Variants in CACHD1 observed in about 807,000 individuals in gnomAD.
CACHD1 encodes the protein VWFA and cache domain-containing protein 1.
CACHD1 carries 71 observed loss-of-function variants against 138.7 expected under a neutral mutation model. That is an observed-to-expected ratio of 0.51 (90% CI 0.42 to 0.62). The LOEUF is 0.62. CACHD1 is among the 20% of genes least tolerant of loss of function. The pLI, the probability that CACHD1 is intolerant of heterozygous loss-of-function variation, is 0.00. For missense variants in CACHD1, 1,389 were observed against 1,625.3 expected, an observed-to-expected ratio of 0.85 and a Z score of 2.50; for synonymous variants, 578 against 591.5, an observed-to-expected ratio of 0.98 and a Z score of 0.33.
At chr1:64,666,967 C>T (rs535710706) in intron 16 of CACHD1, among the ~76,000 whole-genome samples, 8 of 148,846 alleles carry the variant, frequency 5.4e-5, no homozygotes, top group African/African-American at 2.0e-4. Context: ...TGGTTTTCTT[C>T]TTTAAAAAAA....
chr1:64,645,367 T>C (rs1375972585), intron 8 of CACHD1, among the ~76,000 whole-genome samples: 1 of 152,150 alleles, frequency 6.6e-6, no homozygotes, highest in Non-Finnish European at 1.5e-5. Context: ...TCATAAATGA[T>C]TGGGGTGATT....
intron 3 of CACHD1, among the ~76,000 whole-genome samples, chr1:64,594,824 C>A (rs1557510723): frequency 6.6e-6 from 1 of 152,180 alleles, no homozygotes; most frequent in African/African-American, 2.4e-5. Flanking sequence ...GAAAAGCAAC[C>A]TTTTTGTGCA....
At chr1:64,673,709 TTAA>T (rs2100723165) in intron 19 of CACHD1, among the ~76,000 whole-genome samples, 1 of 152,332 alleles carries the variant, frequency 6.6e-6, no homozygotes, top group African/African-American at 2.4e-5. Context: ...TTTTATTTGT[TTAA>T]AGACTTTCCC....
intron 1 of CACHD1, among the ~76,000 whole-genome samples, chr1:64,522,376 C>T (rs1427115205): frequency 2.0e-5 from 3 of 151,842 alleles, no homozygotes; most frequent in East Asian, 3.9e-4. Flanking sequence ...GGCATGATCT[C>T]GGCTCACTGC....
At chr1:64,576,062 C>G (rs149133143) in intron 2 of CACHD1, among the ~76,000 whole-genome samples, 2 of 152,104 alleles carry the variant, frequency 1.3e-5, no homozygotes, top group African/African-American at 4.8e-5. Flanking sequence ...TCATTTGACC[C>G]GTGGCTGGAT....
intron 1 of CACHD1, among the ~76,000 whole-genome samples, 156 bp downstream of exon 1, chr1:64,471,098 C>A (rs1646141427): frequency 6.6e-6 from 1 of 152,190 alleles, no homozygotes; most frequent in African/African-American, 2.4e-5. Flanking sequence ...TGCACAGACC[C>A]CCTGACAATA....
intron 1 of CACHD1, among the ~76,000 whole-genome samples, chr1:64,474,086 T>TA (rs1277366661): frequency 1.3e-5 from 2 of 152,200 alleles, no homozygotes; most frequent in Admixed American, 1.3e-4. Context: ...AAATATATTT[T>TA]AAAAAATCTT....
chr1:64,562,449 C>T (rs1646848343), intron 2 of CACHD1, among the ~76,000 whole-genome samples: 1 of 146,014 alleles, frequency 6.8e-6, no homozygotes, highest in African/African-American at 2.5e-5. Context: ...CTTGCTCTGC[C>T]ACCAGGCTGG....
At chr1:64,474,889 C>T (rs1298156581) in intron 1 of CACHD1, among the ~76,000 whole-genome samples, 2 of 152,208 alleles carry the variant, frequency 1.3e-5, no homozygotes, top group East Asian at 1.9e-4. Flanking sequence ...GCAGACAGAC[C>T]AGCAGGTTGG....
chr1:64,471,581 G>C (rs1165828548), intron 1 of CACHD1, among the ~76,000 whole-genome samples: 4 of 152,208 alleles, frequency 2.6e-5, no homozygotes, highest in South Asian at 2.1e-4. Flanking sequence ...GGGCTGGCCT[G>C]GTAGATTCTG....
chr1:64,491,921 G>GT (rs922049644), intron 1 of CACHD1, among the ~76,000 whole-genome samples: 66 of 150,426 alleles, frequency 4.4e-4, no homozygotes, highest in Middle Eastern at 6.8e-3. Context: ...GCACCCAGCG[G>GT]TTTTTTTTGT....
At chr1:64,478,847 C>T (rs937485071) in intron 1 of CACHD1, among the ~76,000 whole-genome samples, 7 of 152,074 alleles carry the variant, frequency 4.6e-5, no homozygotes, top group Non-Finnish European at 8.8e-5. Context: ...GGGGCAGGAC[C>T]ACTCAGTTAC....
intron 23 of CACHD1, 31 bp downstream of exon 23, chr1:64,678,341 T>G: frequency 2.0e-6 from 3 of 1,524,474 alleles, no homozygotes; most frequent in Non-Finnish European, 2.6e-6. Context: ...AACAATTTGA[T>G]TCTTGAATAT....
intron 1 of CACHD1, among the ~76,000 whole-genome samples, chr1:64,511,189 A>G (rs1646418363): frequency 6.6e-6 from 1 of 152,252 alleles, no homozygotes; most frequent in Non-Finnish European, 1.5e-5. Flanking sequence ...CTTCTGCTGT[A>G]GAGCAGGCAC....
intron 4 of CACHD1, among the ~76,000 whole-genome samples, chr1:64,607,443 G>A (rs1387320559): frequency 1.3e-5 from 2 of 152,178 alleles, no homozygotes; most frequent in Non-Finnish European, 2.9e-5. Context: ...TGATCCTAGA[G>A]GGTTCAAGCT....
At chr1:64,549,678 A>G (rs766244833) in intron 1 of CACHD1, among the ~76,000 whole-genome samples, 26 of 152,192 alleles carry the variant, frequency 1.7e-4, no homozygotes, top group South Asian at 6.2e-4. Context: ...TGGCAGCAGG[A>G]TGGAAAGGAA....
At chr1:64,617,781 A>G (rs888288172) in intron 4 of CACHD1, among the ~76,000 whole-genome samples, 1 of 152,194 alleles carries the variant, frequency 6.6e-6, no homozygotes. Flanking sequence ...TCCTCAGCTT[A>G]GAAAGTGGTA....
intron 2 of CACHD1, among the ~76,000 whole-genome samples, chr1:64,568,446 G>C (rs1290803991): frequency 1.3e-5 from 2 of 152,128 alleles, no homozygotes; most frequent in African/African-American, 2.4e-5. Context: ...ATGAAGCCTG[G>C]ACAATAGTCA....
At chr1:64,490,081 A>G (rs1253199497) in intron 1 of CACHD1, among the ~76,000 whole-genome samples, 1 of 152,210 alleles carries the variant, frequency 6.6e-6, no homozygotes, top group East Asian at 1.9e-4. Context: ...AGGTACAAAT[A>G]GCTCCATCTC....
Sources: allele counts gnomAD v4.1 joint callset (sites outside exome capture counted in the v4.1 genomes callset), GRCh38; gene constraint gnomAD v4.1.1; transcripts MANE v1.5; gene names NCBI Gene and HGNC (gene_info 2026-07-23, HGNC 2026-07-21).